EPC1: variants seen among roughly 807,000 people sequenced by gnomAD.
EPC1 encodes the protein enhancer of polycomb homolog 1.
Under a neutral mutation model 98.4 loss-of-function variants are expected in EPC1, and 12 were observed. The observed-to-expected ratio is 0.12, with a 90% CI of 0.08 to 0.20. The LOEUF (loss-of-function observed/expected upper bound fraction) is 0.20. Among genes scored for constraint, EPC1 ranks in the 10% least tolerant of loss-of-function variants. EPC1 has a pLI of 1.00. For synonymous variants in EPC1, 357 were observed against 363.9 expected, an observed-to-expected ratio of 0.98 and a Z score of 0.21; for missense variants, 729 against 990.5, an observed-to-expected ratio of 0.74 and a Z score of 3.54.
intron 1 of EPC1, among the ~76,000 whole-genome samples, chr10:32,366,977 C>CGTATGTATGTAT (rs368610986): frequency 0.034 from 5,100 of 151,876 alleles, 289 homozygotes; most frequent in African/African-American, 0.12. Flanking sequence ...AAACTATGTA[C>CGTATGTATGTAT]GTATGTATGT....
At position 32,291,310 on chromosome 10, in the gene EPC1, G is replaced by A. The variant is rs146228093; in HGVS notation, c.828C>T (p.Gly276=). 24 of 1,606,272 alleles carry A rather than the reference G, an allele frequency of 1.5e-5. No individual in the cohort carries two copies. The African/African-American group carries it at 2.0e-4, about 13-fold the overall frequency. ...LEIMEKRYNL[G]DYNGEIMSEV... ...CAGACATGATCTCTCCATTGTAGTC[G>A]CCCAAATTATACCTAAAATTATACA... is the stretch of plus-strand genomic sequence containing the variant. The change falls in exon 6 of 14, where the codon GGC becomes GGT. Residue 276 remains glycine, a synonymous_variant. Transcript: ENST00000319778.
At chr10:32,283,788 A>G (rs1404155958) in intron 10 of EPC1, 1 of 152,202 alleles carries the variant, frequency 6.6e-6, no homozygotes, top group African/African-American at 2.4e-5. Context: ...TGGGGAGTCA[A>G]AAGTTATACA....
upstream of EPC1, among the ~76,000 whole-genome samples, chr10:32,351,607 G>A (rs911312511): frequency 5.3e-5 from 8 of 151,626 alleles, no homozygotes; most frequent in Non-Finnish European, 7.4e-5. Flanking sequence ...GCAGTGAGCC[G>A]AGATTGCACC....
intron 1 of EPC1, among the ~76,000 whole-genome samples, chr10:32,364,848 G>A (rs1365556916): frequency 2.6e-5 from 4 of 151,524 alleles, no homozygotes; most frequent in Non-Finnish European, 5.9e-5. Context: ...GGACAGCTTT[G>A]AATGCAGCCC....
chr10:32,366,401 C>T (rs138952967), intron 1 of EPC1, among the ~76,000 whole-genome samples: 48 of 152,064 alleles, frequency 3.2e-4, no homozygotes, highest in Non-Finnish European at 6.6e-4. Flanking sequence ...AACTTGATAT[C>T]TTTATATGCC....
intron 1 of EPC1, among the ~76,000 whole-genome samples, chr10:32,335,198 C>A (rs1303714213): frequency 1.3e-5 from 2 of 152,102 alleles, no homozygotes; most frequent in Admixed American, 6.5e-5. Context: ...TTGAGGTTGG[C>A]TGGATAAATC....
chr10:32,353,132 G>T (rs1481777452), intron 1 of EPC1, among the ~76,000 whole-genome samples: 1 of 144,562 alleles, frequency 6.9e-6, no homozygotes, highest in East Asian at 2.0e-4. Context: ...TCCAACCTGG[G>T]CAACAAGAGC....
At chr10:32,273,747 A>G (rs1441101460) in intron 10 of EPC1, among the ~76,000 whole-genome samples, 1 of 152,176 alleles carries the variant, frequency 6.6e-6, no homozygotes, top group African/African-American at 2.4e-5. Context: ...TATATATACT[A>G]ATAGTTCTAC....
intron 1 of EPC1, chr10:32,346,372 G>A: frequency 5.6e-6 from 1 of 177,798 alleles, no homozygotes. Flanking sequence ...CTGTAGGCGG[G>A]TCCTCCACGG....
intron 1 of EPC1, among the ~76,000 whole-genome samples, chr10:32,331,932 C>T (rs1019212418): frequency 6.6e-6 from 1 of 152,178 alleles, no homozygotes; most frequent in African/African-American, 2.4e-5. Flanking sequence ...CCATAAAGCA[C>T]AGCTTAAATC....
At chr10:32,320,727 T>G (rs928484520) in intron 1 of EPC1, among the ~76,000 whole-genome samples, 1 of 152,178 alleles carries the variant, frequency 6.6e-6, no homozygotes, top group Non-Finnish European at 1.5e-5. Context: ...CCCAAGTAGC[T>G]TGGATTACAG....
At chr10:32,375,202 G>T (rs1355827529) in intron 1 of EPC1, among the ~76,000 whole-genome samples, 4 of 151,864 alleles carry the variant, frequency 2.6e-5, no homozygotes, top group Non-Finnish European at 5.9e-5. Context: ...GACAATTTCA[G>T]GTCTATATTG....
chr10:32,376,965 C>T (rs1414427355), intron 1 of EPC1: 1 of 152,116 alleles, frequency 6.6e-6, no homozygotes, highest in East Asian at 1.9e-4. Context: ...AAAATGTTTA[C>T]AGAGACCAGT....
chr10:32,317,069 C>T (rs1201945703), intron 1 of EPC1, among the ~76,000 whole-genome samples: 2 of 152,026 alleles, frequency 1.3e-5, no homozygotes, highest in Non-Finnish European at 2.9e-5. Flanking sequence ...TCTTGCTGAA[C>T]CCCAGAACAC....
At chr10:32,366,433 TAA>T (rs1213657178) in intron 1 of EPC1, among the ~76,000 whole-genome samples, 1 of 152,108 alleles carries the variant, frequency 6.6e-6, no homozygotes, top group Non-Finnish European at 1.5e-5. Flanking sequence ...ATGATTAAAA[TAA>T]AAAAATAGGT....
chr10:32,355,934 T>C (rs942073893), intron 1 of EPC1, among the ~76,000 whole-genome samples: 3 of 152,140 alleles, frequency 2.0e-5, no homozygotes, highest in Non-Finnish European at 4.4e-5. Context: ...TTTGAGTAGA[T>C]AGACTACTTA....
At chr10:32,311,245 G>A (rs1010424596) in intron 1 of EPC1, among the ~76,000 whole-genome samples, 8 of 151,742 alleles carry the variant, frequency 5.3e-5, no homozygotes, top group Non-Finnish European at 7.4e-5. Flanking sequence ...CCCAGGAGGC[G>A]GAACTTGCAG....
rs55988267 is a variant in EPC1, at chr10:32,305,501, GTT to G, written c.313+269_313+270del. Among the ~76,000 whole-genome samples, 73 of 146,814 alleles carry G rather than the reference GTT, an allele frequency of 5.0e-4. No individual in the cohort carries two copies. The South Asian group carries it at 7.2e-3, about 15-fold the overall frequency. Reference sequence around the variant, plus strand: ...GGAAGAAAACTATTTCTATATCTGAGTTTTTTTTTTTTTTTCTTATCCTTCTT... The same window carrying G: ...GGAAGAAAACTATTTCTATATCTGAGTTTTTTTTTTTTTCTTATCCTTCTT... On this transcript the variant is annotated intron_variant, in intron 2 of 13. Coordinates refer to ENST00000319778, the MANE Select transcript of EPC1 (RefSeq NM_001272004.3).
chr10:32,365,025 C>T (rs1461194697), intron 1 of EPC1, among the ~76,000 whole-genome samples: 1 of 151,464 alleles, frequency 6.6e-6, no homozygotes, highest in Non-Finnish European at 1.5e-5. Context: ...CCCTGGTTTA[C>T]ATAGTAAAGA....
Sources: gnomAD v4.1 joint callset for allele counts (sites outside exome capture counted in the v4.1 genomes callset) on GRCh38, gnomAD v4.1.1 for gene constraint, MANE v1.5 for transcripts, NCBI Gene and HGNC (gene_info 2026-07-23, HGNC 2026-07-21) for gene names.